PCDH9: variants seen among roughly 807,000 people sequenced by gnomAD.
PCDH9 encodes protocadherin 9.
A neutral mutation model predicts 70.6 loss-of-function variants in PCDH9; 24 were observed. That is an observed-to-expected ratio of 0.34 (90% CI 0.25 to 0.48). The LOEUF is 0.48. PCDH9 is among the 20% of genes least tolerant of loss of function. The probability of loss-of-function intolerance (pLI) is 0.99; values close to 1 mark genes in which losing one functional copy is unlikely to be tolerated. For missense variants in PCDH9, 1,281 were observed against 1,503.6 expected, an observed-to-expected ratio of 0.85 and a Z score of 2.45; for synonymous variants, 562 against 558.5, an observed-to-expected ratio of 1.01 and a Z score of -0.09.
At chr13:66,432,626 T>G (rs936291173) in intron 4 of PCDH9, among the ~76,000 whole-genome samples, 3 of 151,928 alleles carry the variant, frequency 2.0e-5, no homozygotes, top group African/African-American at 7.2e-5. Flanking sequence ...AAATGACTAA[T>G]GAGTGTGATT....
intron 2 of PCDH9, among the ~76,000 whole-genome samples, chr13:67,004,505 C>T (rs562729690): frequency 6.9e-6 from 1 of 144,190 alleles, no homozygotes; most frequent in African/African-American, 2.6e-5. Flanking sequence ...TGCAGCGAGC[C>T]GAGATTGTGC....
At chr13:67,151,163 T>C (rs1242143910) in intron 2 of PCDH9, among the ~76,000 whole-genome samples, 1 of 152,092 alleles carries the variant, frequency 6.6e-6, no homozygotes, top group East Asian at 1.9e-4. Context: ...TCAAAACTCA[T>C]CATTTGATGA....
intron 2 of PCDH9, among the ~76,000 whole-genome samples, chr13:67,034,442 T>G (rs1341603346): frequency 6.6e-6 from 1 of 152,224 alleles, no homozygotes; most frequent in Non-Finnish European, 1.5e-5. Flanking sequence ...CCATTCATAC[T>G]AAAGACCTCT....
rs1956915303 is a variant in PCDH9 at position 66,385,630 on chromosome 13, A to G, written c.3341-80602T>C. Among the ~76,000 whole-genome samples, 3 of 152,176 alleles carry G rather than the reference A, an allele frequency of 2.0e-5. No homozygotes were observed. The South Asian group carries it at 6.2e-4, about 31-fold the overall frequency. On this transcript the variant is annotated intron_variant, in intron 4 of 4. Transcript: ENST00000377865. ...ATGATATTTTCAATAGCCTCCCGGA[A>G]CTTTTGTATTTTTTCATTATTCCTT...
chr13:66,529,239 C>G (rs1213128725), intron 4 of PCDH9, among the ~76,000 whole-genome samples: 1 of 152,054 alleles, frequency 6.6e-6, no homozygotes, highest in African/African-American at 2.4e-5. Flanking sequence ...TAATAACTCT[C>G]AAATACTGAC....
intron 3 of PCDH9, among the ~76,000 whole-genome samples, chr13:66,779,985 T>C (rs1370263290): frequency 2.0e-5 from 3 of 150,782 alleles, no homozygotes; most frequent in East Asian, 3.9e-4. Flanking sequence ...GGTCAAAGGA[T>C]ATAAAGTAGA....
At chr13:67,051,526 G>C (rs1302471463) in intron 2 of PCDH9, among the ~76,000 whole-genome samples, 1 of 151,152 alleles carries the variant, frequency 6.6e-6, no homozygotes, top group Non-Finnish European at 1.5e-5. Context: ...CCGAATAGCT[G>C]GGATTACAGG....
chr13:66,997,660 G>T (rs548375735), intron 2 of PCDH9, among the ~76,000 whole-genome samples: 1 of 152,148 alleles, frequency 6.6e-6, no homozygotes, highest in South Asian at 2.1e-4. Flanking sequence ...TCAGCCTCCC[G>T]AGTAGCTGGG....
chr13:66,954,464 T>C (rs975769042), intron 2 of PCDH9, among the ~76,000 whole-genome samples: 1 of 152,150 alleles, frequency 6.6e-6, no homozygotes, highest in East Asian at 1.9e-4. Context: ...TTTTTTACCC[T>C]AAACATTGGA....
chr13:66,838,908 C>T (rs1199924807), intron 3 of PCDH9, among the ~76,000 whole-genome samples: 3 of 151,796 alleles, frequency 2.0e-5, no homozygotes, highest in African/African-American at 7.2e-5. Flanking sequence ...TTAAATAATT[C>T]AGAACCAAAA....
chr13:66,903,016 A>G (rs1215423603), intron 3 of PCDH9, among the ~76,000 whole-genome samples: 1 of 151,830 alleles, frequency 6.6e-6, no homozygotes, highest in Non-Finnish European at 1.5e-5. Flanking sequence ...AAAAGATCAA[A>G]CTGATATAAA....
intron 4 of PCDH9, among the ~76,000 whole-genome samples, chr13:66,485,852 A>T (rs933776723): frequency 6.6e-6 from 1 of 151,482 alleles, no homozygotes; most frequent in Non-Finnish European, 1.5e-5. Context: ...AGTGATTCTC[A>T]TGTAGCTGGG....
chr13:66,856,590 T>C (rs1162890448), intron 3 of PCDH9, among the ~76,000 whole-genome samples: 1 of 152,006 alleles, frequency 6.6e-6, no homozygotes, highest in Admixed American at 6.6e-5. Flanking sequence ...CTCTGAAAAA[T>C]CAAGAGTCCC....
At chr13:66,574,220 C>A (rs950489577) in intron 4 of PCDH9, among the ~76,000 whole-genome samples, 3 of 152,154 alleles carry the variant, frequency 2.0e-5, no homozygotes, top group African/African-American at 7.2e-5. Flanking sequence ...TAATGAGCAA[C>A]AACTATGTTT....
intron 3 of PCDH9, among the ~76,000 whole-genome samples, chr13:66,666,310 T>C (rs1053044382): frequency 3.3e-5 from 5 of 152,164 alleles, no homozygotes; most frequent in Admixed American, 6.5e-5. Flanking sequence ...GCAAGGGAAG[T>C]CCTGGTGCCC....
chr13:66,727,612 C>T lies in PCDH9; in HGVS notation c.3139-96201G>A, dbSNP rs968504754. On this transcript the variant is annotated intron_variant, in intron 3 of 4. Coordinates refer to ENST00000377865, the MANE Select transcript of PCDH9 (RefSeq NM_203487.3). ...TATGTTTGTGTGTGCCTATTATGGA[C>T]GTATAGAGAGATAGATATAGGCATA... Among the ~76,000 whole-genome samples, 4 of 151,702 alleles carry T rather than the reference C, an allele frequency of 2.6e-5. No individual in the cohort carries two copies. In the South Asian group the frequency reaches 6.2e-4, roughly 24 times the overall value.
intron 3 of PCDH9, among the ~76,000 whole-genome samples, chr13:66,682,094 C>A (rs957749087): frequency 6.6e-6 from 1 of 151,746 alleles, no homozygotes; most frequent in Non-Finnish European, 1.5e-5. Flanking sequence ...TGACTCAAAG[C>A]CTGCATACCT....
intron 3 of PCDH9, among the ~76,000 whole-genome samples, chr13:66,845,564 G>T (rs1373119929): frequency 6.6e-6 from 1 of 152,146 alleles, no homozygotes; most frequent in Non-Finnish European, 1.5e-5. Context: ...CAGGGATCCT[G>T]CCTGCTCCCG....
In PCDH9 at chr13:66,828,449, C is replaced by A. The variant is rs914605001; in HGVS notation, c.3138+75055G>T. Among the ~76,000 whole-genome samples, 6 of 152,232 alleles carry A rather than the reference C, an allele frequency of 3.9e-5. No individual in the cohort carries two copies. The East Asian group carries it at 7.7e-4, about 20-fold the overall frequency. ...TACCCCCACTTATCCAGAGTACATG[C>A]TTTTTCTACCACTATTCATATCTCT... is the stretch of plus-strand genomic sequence containing the variant. On this transcript the variant is annotated intron_variant, in intron 3 of 4. Coordinates refer to ENST00000377865, the MANE Select transcript of PCDH9 (RefSeq NM_203487.3).
Sources: gnomAD v4.1 joint callset for allele counts (sites outside exome capture counted in the v4.1 genomes callset) on GRCh38, gnomAD v4.1.1 for gene constraint, MANE v1.5 for transcripts, NCBI Gene and HGNC (gene_info 2026-07-23, HGNC 2026-07-21) for gene names.